The following MSH4 variants were observed in gnomAD, a reference collection of about 807,000 sequenced individuals.
The protein encoded by MSH4 is mutS protein homolog 4.
In MSH4, 106 loss-of-function variants were observed where a neutral mutation model predicts 113.7. That is an observed-to-expected ratio of 0.93 (90% CI 0.80 to 1.10). The LOEUF is 1.10. MSH4 is among the 50% of genes least tolerant of loss of function. The pLI, the probability that MSH4 is intolerant of heterozygous loss-of-function variation, is 0.00. For missense variants in MSH4, 1,061 were observed against 1,093.7 expected, an observed-to-expected ratio of 0.97 and a Z score of 0.42; for synonymous variants, 368 against 380.2, an observed-to-expected ratio of 0.97 and a Z score of 0.37.
Position 75,883,268 on chromosome 1 carries a change from G to A in MSH4, c.1907-353G>A, listed in dbSNP as rs149257474. ...GCAATCAAGCAATCTGCCCTCCTCC[G>A]CCTCCCAAATGCTGGGATTACCAGC... On this transcript the variant is annotated intron_variant, in intron 14 of 19. Transcript: ENST00000263187. 6.5e-3 allele frequency among the ~76,000 whole-genome samples: 956 copies of A among 148,212 alleles called. 16 individuals carry two copies. The highest frequency in any genetic ancestry group is 0.036 in the Admixed American group (530 of 14,554).
At chr1:75,839,284 G>T (rs1030150163) in intron 7 of MSH4, among the ~76,000 whole-genome samples, 1 of 151,756 alleles carries the variant, frequency 6.6e-6, no homozygotes, top group African/African-American at 2.4e-5. Context: ...GCACAATCTT[G>T]GCTCACTGCA....
At chr1:75,858,143 T>C (rs1030263541) in intron 8 of MSH4, among the ~76,000 whole-genome samples, 2 of 152,236 alleles carry the variant, frequency 1.3e-5, no homozygotes, top group Non-Finnish European at 2.9e-5. Context: ...TGAAGTTGCT[T>C]ATCAGCTTAA....
intron 7 of MSH4, among the ~76,000 whole-genome samples, chr1:75,839,451 G>A (rs1328493027): frequency 6.6e-6 from 1 of 152,122 alleles, no homozygotes; most frequent in Non-Finnish European, 1.5e-5. Flanking sequence ...CTGACCTCAA[G>A]TGATCCACCT....
Position 75,912,689 on chromosome 1 carries a change from A to G in MSH4, c.2620-7A>G, listed in dbSNP as rs1390693142. The G allele has an allele frequency of 9.6e-6, 14 of 1,458,038 alleles. No individual in the cohort carries two copies. The highest frequency in any genetic ancestry group is 3.2e-5 in the South Asian group (2 of 63,374). 90.3% of individuals were successfully genotyped at this position (1,458,038 alleles called of 1,614,324 possible). ...ATATATATATATTTTTTTTTTTTCA[A>G]TGACAGCAAAACCAAAGGAGTACCC... is the stretch of plus-strand genomic sequence containing the variant. On this transcript the variant is annotated splice_polypyrimidine_tract_variant and splice_region_variant and intron_variant, in intron 19 of 19. Coordinates refer to ENST00000263187, the MANE Select transcript of MSH4 (RefSeq NM_002440.4).
chr1:75,870,690 G>C (rs766304375), intron 9 of MSH4, among the ~76,000 whole-genome samples: 1 of 152,046 alleles, frequency 6.6e-6, no homozygotes, highest in Non-Finnish European at 1.5e-5. Context: ...TGATTGTGAG[G>C]CCTCCCCAGC....
intron 7 of MSH4, among the ~76,000 whole-genome samples, chr1:75,827,156 C>A (rs952277845): frequency 6.6e-6 from 1 of 152,116 alleles, no homozygotes; most frequent in African/African-American, 2.4e-5. Context: ...AGAAACCCTA[C>A]AAGCAAGAAG....
intron 9 of MSH4, among the ~76,000 whole-genome samples, chr1:75,872,209 A>G (rs1651729092): frequency 1.3e-5 from 2 of 152,232 alleles, no homozygotes; most frequent in South Asian, 4.1e-4. Context: ...AGGGTAACAC[A>G]ATGACACAGC....
intron 7 of MSH4, among the ~76,000 whole-genome samples, chr1:75,844,484 A>G (rs114850822): frequency 0.055 from 8,379 of 152,138 alleles, 331 homozygotes; most frequent in Non-Finnish European, 0.083. Flanking sequence ...GCACCATCCC[A>G]CATGGCTGAT....
At chr1:75,893,281 T>C (rs988223085) in intron 17 of MSH4, among the ~76,000 whole-genome samples, 8 of 152,198 alleles carry the variant, frequency 5.3e-5, no homozygotes, top group African/African-American at 1.9e-4. Context: ...TTATCTCCTA[T>C]AGTCACAGGG....
chr1:75,839,448 C>G (rs917657504), intron 7 of MSH4, among the ~76,000 whole-genome samples: 2 of 152,110 alleles, frequency 1.3e-5, no homozygotes, highest in African/African-American at 2.4e-5. Flanking sequence ...CTCCTGACCT[C>G]AAGTGATCCA....
chr1:75,877,398 T>G (rs1651838185), intron 10 of MSH4, among the ~76,000 whole-genome samples: 1 of 152,156 alleles, frequency 6.6e-6, no homozygotes, highest in African/African-American at 2.4e-5. Flanking sequence ...GCTGTTTAAT[T>G]TTAACAGTAT....
rs967500063 is a variant in MSH4, at chr1:75,829,178, C to T, written c.1162+6597C>T. Reference sequence around the variant, plus strand: ...GGAGGGTCCCACGTCCATGGAGCCTCGCTCACTGCTAGCACAGCAGTCTGA... The same window carrying T: ...GGAGGGTCCCACGTCCATGGAGCCTTGCTCACTGCTAGCACAGCAGTCTGA... On this transcript the variant is annotated intron_variant, in intron 7 of 19. Coordinates refer to ENST00000263187, the MANE Select transcript of MSH4 (RefSeq NM_002440.4). Among the ~76,000 whole-genome samples the T allele has an allele frequency of 2.0e-5, 3 of 152,158 alleles. No individual in the cohort carries two copies. The East Asian group carries it at 5.8e-4, about 29-fold the overall frequency.
chr1:75,878,330 A>G lies in MSH4; in HGVS notation c.1540+12A>G, dbSNP rs777613962. The G allele has an allele frequency of 3.8e-6, 6 of 1,561,160 alleles. No individual in the cohort carries two copies. The highest frequency in any genetic ancestry group is 5.2e-6 in the Non-Finnish European group (6 of 1,160,270). On this transcript the variant is annotated intron_variant, in intron 11 of 19. Coordinates refer to ENST00000263187, the MANE Select transcript of MSH4 (RefSeq NM_002440.4). ...AGATGACATAGCAGGTAATTTCTTT[A>G]TTTGATAATGTTTTTTGTAGGGATA...
At chr1:75,897,794 C>G (rs1304914830) in intron 17 of MSH4, 113 bp from the exon 18 acceptor site, 5 of 557,594 alleles carry the variant, frequency 9.0e-6, no homozygotes, top group Non-Finnish European at 1.4e-5. Flanking sequence ...ATTCCTACAT[C>G]TCTGCCAAGC....
chr1:75,797,640 A>G (rs1359706975), intron 1 of MSH4, among the ~76,000 whole-genome samples: 1 of 86 alleles, frequency 0.012, no homozygotes, highest in African/African-American at 0.05. Context: ...TATGTTTAGT[A>G]TTAAAAGAGT....
intron 19 of MSH4, among the ~76,000 whole-genome samples, chr1:75,900,055 TA>T (rs1171731834): frequency 1.3e-5 from 2 of 152,000 alleles, no homozygotes; most frequent in African/African-American, 2.4e-5. Flanking sequence ...TATAATTATA[TA>T]TTTTTTATAG....
rs1379561092 is a variant in MSH4 at position 75,900,146 on chromosome 1, A to T, written c.2619+440A>T. 2.6e-5 allele frequency among the ~76,000 whole-genome samples: 4 copies of T among 152,122 alleles called. No homozygotes were observed. In the East Asian group the frequency reaches 5.8e-4, roughly 22 times the overall value. ...ATTAGGTCTTTATAGTAAAAGATTA[A>T]AAAAGGATTACTTCTACTCTTAATT... On this transcript the variant is annotated intron_variant, in intron 19 of 19. Transcript: ENST00000263187.
At chr1:75,860,059 C>T (rs995916073) in intron 8 of MSH4, among the ~76,000 whole-genome samples, 3 of 151,694 alleles carry the variant, frequency 2.0e-5, no homozygotes, top group African/African-American at 7.3e-5. Context: ...TTCAAGTCTG[C>T]TTTATCAGAG....
chr1:75,854,026 T>TATATATATATATATATATA (rs1241302028), intron 8 of MSH4, among the ~76,000 whole-genome samples: 2 of 145,488 alleles, frequency 1.4e-5, no homozygotes, highest in African/African-American at 4.9e-5. Context: ...TATATATATA[T>TATATATATATATATATATA]ATGCATAAAT....
Sources: gnomAD v4.1 joint callset for allele counts (sites outside exome capture counted in the v4.1 genomes callset) on GRCh38, gnomAD v4.1.1 for gene constraint, MANE v1.5 for transcripts, NCBI Gene and HGNC (gene_info 2026-07-23, HGNC 2026-07-21) for gene names.